LCA5L: variants seen among roughly 807,000 people sequenced by gnomAD.
LCA5L encodes the protein lebercilin LCA5 like.
In LCA5L, 35 loss-of-function variants were observed where a neutral mutation model predicts 45.4. That is an observed-to-expected ratio of 0.77 (90% CI 0.59 to 1.02). The LOEUF (loss-of-function observed/expected upper bound fraction) is 1.02, where lower values mean the gene tolerates loss of function less well. Ranked by LOEUF, LCA5L falls within the 50% of genes least tolerant of loss-of-function variation. The pLI, the probability that LCA5L is intolerant of heterozygous loss-of-function variation, is 0.00. For synonymous variants in LCA5L, 233 were observed against 264.7 expected, an observed-to-expected ratio of 0.88 and a Z score of 1.16; for missense variants, 668 against 761.6, an observed-to-expected ratio of 0.88 and a Z score of 1.45.
intron 7 of LCA5L, among the ~76,000 whole-genome samples, chr21:39,415,968 T>C (rs917814783): frequency 5.3e-5 from 8 of 152,186 alleles, no homozygotes; most frequent in African/African-American, 1.7e-4. Flanking sequence ...TGTACCTCTG[T>C]CAGGAAGCGC....
intron 9 of LCA5L, 57 bp downstream of exon 9, chr21:39,410,207 C>A (rs977040347): frequency 2.1e-5 from 26 of 1,265,926 alleles, no homozygotes; most frequent in Non-Finnish European, 2.8e-5. Context: ...GTGACTGTAG[C>A]CTATTTTTGT....
intron 8 of LCA5L, among the ~76,000 whole-genome samples, chr21:39,411,464 C>G (rs138344952): frequency 7.0e-4 from 107 of 152,264 alleles, no homozygotes; most frequent in African/African-American, 2.6e-3. Flanking sequence ...TTGCTTCAAG[C>G]TGAAGTTATC....
intron 5 of LCA5L, 192 bp downstream of exon 5, chr21:39,427,980 G>A (rs2075061560): frequency 4.2e-6 from 2 of 473,860 alleles, no homozygotes; most frequent in Admixed American, 7.8e-5. Flanking sequence ...TACATGTGAA[G>A]CCTTTCTGTT....
intron 7 of LCA5L, among the ~76,000 whole-genome samples, chr21:39,417,650 G>A (rs775419203): frequency 5.3e-5 from 8 of 152,224 alleles, no homozygotes; most frequent in Non-Finnish European, 1.0e-4. Flanking sequence ...CATGGCTGGG[G>A]AGGCCTCACA....
At chr21:39,427,475 A>T (rs536023690) in intron 5 of LCA5L, among the ~76,000 whole-genome samples, 3 of 152,198 alleles carry the variant, frequency 2.0e-5, no homozygotes, top group Admixed American at 6.5e-5. Context: ...ATCCTGGCTA[A>T]CACGGTGAAA....
intron 2 of LCA5L, among the ~76,000 whole-genome samples, chr21:39,436,318 G>C (rs2076282799): frequency 6.6e-6 from 1 of 151,898 alleles, no homozygotes; most frequent in Non-Finnish European, 1.5e-5. Context: ...TCAGATTCTT[G>C]GTTAATAATA....
chr21:39,422,674 T>G (rs760261548), intron 6 of LCA5L: 48 of 444,592 alleles, frequency 1.1e-4, no homozygotes, highest in Non-Finnish European at 1.7e-4. Context: ...AGGGAAAAAG[T>G]CCCTTAGCAC....
At chr21:39,432,276 A>G (rs2075812143) in intron 3 of LCA5L, among the ~76,000 whole-genome samples, 1 of 152,178 alleles carries the variant, frequency 6.6e-6, no homozygotes, top group Non-Finnish European at 1.5e-5. Flanking sequence ...TGCTACAACA[A>G]ATAGACAATT....
intron 10 of LCA5L, chr21:39,406,823 A>G: frequency 2.1e-6 from 1 of 466,096 alleles, no homozygotes. Flanking sequence ...TCCCAAGCAG[A>G]TGGGAATTAT....
chr21:39,424,559 C>T (rs2074313158), intron 5 of LCA5L, among the ~76,000 whole-genome samples: 1 of 152,136 alleles, frequency 6.6e-6, no homozygotes, highest in African/African-American at 2.4e-5. Context: ...AAACTAAATG[C>T]TTTCTGTAGA....
At chr21:39,414,738 C>CTGTGTGTGTGTGTGTGTGTGTGTG (rs763309098) in intron 7 of LCA5L, among the ~76,000 whole-genome samples, 8 of 107,368 alleles carry the variant, frequency 7.5e-5, no homozygotes, top group African/African-American at 2.7e-4. Flanking sequence ...CTCTCTCTCT[C>CTGTGTGTGTGTGTGTGTGTGTGTG]TCTCTGTGTG....
intron 4 of LCA5L, among the ~76,000 whole-genome samples, chr21:39,428,715 C>T (rs922751367): frequency 2.1e-5 from 3 of 144,202 alleles, no homozygotes; most frequent in African/African-American, 7.7e-5. Context: ...TGGGCTCAAG[C>T]GATCCTCTCA....
In LCA5L at chr21:39,406,091, G is replaced by C; in HGVS notation, c.1804C>G (p.Leu602Val). Residue 602 changes from leucine (L) to valine (V), a missense_variant, in exon 11 of 11, where the codon CTC becomes GTC. Physicochemically the swap from Leu to Val is conservative, Grantham distance 32 (BLOSUM62 1). Transcript: ENST00000288350. ...RDKKSSLMEE[L>V]FGSGYVLKTD... ...TTCAAGACATAGCCTGATCCAAAGA[G>C]TTCTTCCATGAGACTGCTTTTCTTA... The C allele has an allele frequency of 6.2e-7, 1 of 1,614,166 alleles. No individual in the cohort carries two copies. The highest frequency in any genetic ancestry group is 8.5e-7 in the Non-Finnish European group (1 of 1,180,006).
intron 7 of LCA5L, among the ~76,000 whole-genome samples, chr21:39,418,237 GC>G (rs1232406558): frequency 1.3e-5 from 2 of 152,156 alleles, no homozygotes; most frequent in Non-Finnish European, 2.9e-5. Context: ...TGGGGACACA[GC>G]CAAACCATAT....
chr21:39,406,292 G>C lies in LCA5L; in HGVS notation c.1603C>G (p.His535Asp), dbSNP rs2039060349. The change falls in exon 11 of 11, where the codon CAT (histidine) becomes GAT (aspartate). Residue 535 changes from histidine (H) to aspartate (D), a missense_variant. By Grantham distance (81) the His-to-Asp change is moderately conservative (BLOSUM62 -1). Transcript: ENST00000288350. ...SFTEATENLHHGLPASGGPAN... is the reference protein window; with the variant it reads ...SFTEATENLHDGLPASGGPAN... Reference sequence around the variant, plus strand: ...GGCCCCCCTGAAGCAGGAAGCCCATGATGCAGGTTTTCAGTTGCTTCTGTG... The same window carrying C: ...GGCCCCCCTGAAGCAGGAAGCCCATCATGCAGGTTTTCAGTTGCTTCTGTG... 3.1e-6 allele frequency: 5 copies of C among 1,614,240 alleles called. No individual in the cohort carries two copies. Among genetic ancestry groups the C allele is most frequent in the Non-Finnish European group, 4.2e-6 (5 of 1,180,042 alleles).
intron 2 of LCA5L, among the ~76,000 whole-genome samples, chr21:39,439,981 A>G (rs2076657164): frequency 1.3e-5 from 2 of 152,238 alleles, no homozygotes; most frequent in African/African-American, 4.8e-5. Context: ...GAGAAATGCT[A>G]GGTTCAAATA....
Position 39,406,173 on chromosome 21 carries a change from A to G in LCA5L, c.1722T>C (p.Tyr574=), listed in dbSNP as rs140223204. The change falls in exon 11 of 11, where the codon TAT becomes TAC. Residue 574 remains tyrosine, a synonymous_variant. Transcript: ENST00000288350. ...TGGAAGACTTACCAAATGAGGGCTC[A>G]TACCCACTGTCAGAATGCTCTAGCT... ...EMELEHSDSG[Y]EPSFGKSSRI... is the part of the protein sequence containing the mutation. The G allele has an allele frequency of 2.8e-4, 459 of 1,614,270 alleles. 5 individuals carry two copies. In the African/African-American group the frequency reaches 4.8e-3, roughly 17 times the overall value.
In LCA5L at chr21:39,432,702, GT is replaced by G. The variant is rs886627253; in HGVS notation, c.-92+2717del. Among the ~76,000 whole-genome samples, 9 of 151,892 alleles carry G rather than the reference GT, an allele frequency of 5.9e-5. No individual in the cohort carries two copies. The South Asian group carries it at 6.3e-4, about 11-fold the overall frequency. ...CTCACTCCCAACCCAGGCAAACCCT[GT>G]TTTTTTGTCACTATCAATTATTTTG... On this transcript the variant is annotated intron_variant, in intron 3 of 10. Transcript: ENST00000288350.
chr21:39,421,402 C>G (rs2073750733), intron 6 of LCA5L, among the ~76,000 whole-genome samples: 1 of 152,186 alleles, frequency 6.6e-6, no homozygotes. Flanking sequence ...TTTAAACATT[C>G]TGACCAGATC....
Sources: gnomAD v4.1 joint callset for allele counts (sites outside exome capture counted in the v4.1 genomes callset) on GRCh38, gnomAD v4.1.1 for gene constraint, MANE v1.5 for transcripts, NCBI Gene and HGNC (gene_info 2026-07-23, HGNC 2026-07-21) for gene names.